B4GALT5: variants seen among roughly 807,000 people sequenced by gnomAD.
B4GALT5 encodes beta-1,4-galactosyltransferase 5.
B4GALT5 carries 11 observed loss-of-function variants against 45.0 expected under a neutral mutation model. The ratio of observed to expected loss-of-function variants is 0.24; its 90% CI spans 0.15 to 0.40. B4GALT5 has a LOEUF of 0.40. Ranked by LOEUF, B4GALT5 falls within the 10% of genes least tolerant of loss-of-function variation. The pLI is 1.00. For missense variants in B4GALT5, 337 were observed against 500.2 expected (o/e 0.67, Z 3.11); for synonymous variants, 185 against 182.9 (o/e 1.01, Z -0.09).
chr20:49,640,626 C>A lies in B4GALT5; in HGVS notation c.646G>T (p.Val216Phe). 1 of 1,613,132 alleles carries A rather than the reference C, an allele frequency of 6.2e-7. No homozygotes were observed. The highest frequency in any genetic ancestry group is 8.5e-7 in the Non-Finnish European group (1 of 1,179,680). The change falls in exon 6 of 9, where the codon GTT becomes TTT. Residue 216 changes from valine (V) to phenylalanine (F), a missense_variant. Coordinates refer to ENST00000371711, the MANE Select transcript of B4GALT5 (RefSeq NM_004776.4). Reference sequence around the variant, plus strand: ...TCTTTCATTGCCTCTTGAAAGCCAACGTTGAAAAGCATGGCTCGATTAAAG... The same window carrying A: ...TCTTTCATTGCCTCTTGAAAGCCAAAGTTGAAAAGCATGGCTCGATTAAAG... ...QPFNRAMLFNVGFQEAMKDLD... is the reference protein window; with the variant it reads ...QPFNRAMLFNFGFQEAMKDLD...
intron 1 of B4GALT5, among the ~76,000 whole-genome samples, chr20:49,657,343 A>G (rs1385288016): frequency 1.3e-5 from 2 of 152,186 alleles, no homozygotes; most frequent in Non-Finnish European, 2.9e-5. Context: ...AGGTCAATTA[A>G]AACATGCTCT....
chr20:49,664,436 A>T (rs888444014), intron 1 of B4GALT5, among the ~76,000 whole-genome samples: 1 of 138,378 alleles, frequency 7.2e-6, no homozygotes, highest in Non-Finnish European at 1.6e-5. Context: ...ACACACACAC[A>T]CACACACACA....
chr20:49,713,283 G>A (rs1193412688), intron 1 of B4GALT5, among the ~76,000 whole-genome samples: 1 of 151,940 alleles, frequency 6.6e-6, no homozygotes, highest in Non-Finnish European at 1.5e-5. Flanking sequence ...AGAGCGGGAA[G>A]GGGGTTCCGG....
At chr20:49,645,259 G>C (rs1463262692) in intron 3 of B4GALT5, among the ~76,000 whole-genome samples, 1 of 151,976 alleles carries the variant, frequency 6.6e-6, no homozygotes, top group Admixed American at 6.6e-5. Flanking sequence ...AGACAAAGCT[G>C]ACTGCCTATA....
Position 49,640,595 on chromosome 20 carries a change from T to C in B4GALT5, c.677A>G (p.Asp226Gly). 6.2e-7 allele frequency: 1 copy of C among 1,614,042 alleles called. No individual in the cohort carries two copies. Among genetic ancestry groups the C allele is most frequent in the South Asian group, 1.1e-5 (1 of 91,036 alleles). ...VGFQEAMKDL[D>G]WDCLIFHDVD... ...ATCATGAAAAATCAAACAGTCCCAA[T>C]CCAAGTCTTTCATTGCCTCTTGAAA... is the stretch of plus-strand genomic sequence containing the variant. The change falls in exon 6 of 9, where the codon GAT becomes GGT. Residue 226 changes from aspartate (D) to glycine (G), a missense_variant. By Grantham distance (94) the Asp-to-Gly change is moderately conservative. Around this residue, in one of 2 missense-constraint regions of B4GALT5, gnomAD observed 163 missense variants for 292.8 expected, o/e 0.56. Coordinates refer to ENST00000371711, the MANE Select transcript of B4GALT5 (RefSeq NM_004776.4).
At chr20:49,657,752 C>T (rs957506287) in intron 1 of B4GALT5, among the ~76,000 whole-genome samples, 1 of 152,212 alleles carries the variant, frequency 6.6e-6, no homozygotes, top group African/African-American at 2.4e-5. Context: ...TGGATTCCGG[C>T]TCTTTGACAA....
At chr20:49,655,545 A>G (rs1042946549) in intron 2 of B4GALT5, among the ~76,000 whole-genome samples, 1 of 152,204 alleles carries the variant, frequency 6.6e-6, no homozygotes, top group Admixed American at 6.5e-5. Context: ...AATAAAAACC[A>G]TCCCTGGCTG....
At position 49,678,315 on chromosome 20, in the gene B4GALT5, C is replaced by A. The variant is rs2085748612; in HGVS notation, c.116-21613G>T. Among the ~76,000 whole-genome samples the A allele has an allele frequency of 2.0e-5, 3 of 152,178 alleles. No homozygotes were observed. The South Asian group carries it at 6.2e-4, about 31-fold the overall frequency. On this transcript the variant is annotated intron_variant, in intron 1 of 8. Coordinates refer to ENST00000371711, the MANE Select transcript of B4GALT5 (RefSeq NM_004776.4). ...GGCAATCAAAATAGAAAAGCAAAAC[C>A]AACCCTGGAACTCACAAAGGACTGG...
chr20:49,700,836 G>T (rs1026495860), intron 1 of B4GALT5, among the ~76,000 whole-genome samples: 65 of 152,282 alleles, frequency 4.3e-4, no homozygotes, highest in African/African-American at 1.5e-3. Context: ...TTTAAAATTT[G>T]TGAAATGTTT....
chr20:49,681,559 C>A (rs913527893), intron 1 of B4GALT5, among the ~76,000 whole-genome samples: 6 of 152,152 alleles, frequency 3.9e-5, no homozygotes, highest in African/African-American at 7.2e-5. Context: ...GCACTGAGCA[C>A]CAGGATTGTA....
intron 1 of B4GALT5, among the ~76,000 whole-genome samples, chr20:49,712,636 C>G (rs2085919074): frequency 6.6e-6 from 1 of 152,132 alleles, no homozygotes; most frequent in Non-Finnish European, 1.5e-5. Flanking sequence ...ATTTAAACTT[C>G]TCCTTTGTCC....
intron 1 of B4GALT5, among the ~76,000 whole-genome samples, chr20:49,707,882 G>A (rs970461571): frequency 5.3e-5 from 8 of 151,502 alleles, no homozygotes; most frequent in African/African-American, 1.9e-4. Flanking sequence ...CCAGAGTGCC[G>A]GGATTAAAGG....
rs769443138 is a variant in B4GALT5 at position 49,647,031 on chromosome 20, T to C, written c.298A>G (p.Thr100Ala). The C allele has an allele frequency of 1.2e-6, 2 of 1,613,982 alleles. No homozygotes were observed. Among genetic ancestry groups the C allele is most frequent in the Admixed American group, 1.7e-5 (1 of 60,010 alleles). ...TAGGTGAAGTCTTCAGGAAGAAATG[T>C]TGTAGTTTGCAGGAAGGTTTCACTG... ...NHSETFLQTT[T>A]FLPEDFTYFA... Residue 100 changes from threonine (T) to alanine (A), a missense_variant, in exon 3 of 9, where the codon ACA becomes GCA. Transcript: ENST00000371711.
At chr20:49,712,837 T>TGGG (rs765196296) in intron 1 of B4GALT5, among the ~76,000 whole-genome samples, 176 of 42,676 alleles carry the variant, frequency 4.1e-3, no homozygotes, top group Middle Eastern at 0.017. Context: ...GTACGCGAGG[T>TGGG]GGGGGGGGGG....
intron 2 of B4GALT5, among the ~76,000 whole-genome samples, chr20:49,656,212 G>A (rs2085642365): frequency 6.6e-6 from 1 of 152,044 alleles, no homozygotes; most frequent in African/African-American, 2.4e-5. Context: ...CATACACACA[G>A]GCTTCCCCTT....
intron 1 of B4GALT5, among the ~76,000 whole-genome samples, chr20:49,687,833 A>C (rs914578056): frequency 6.6e-6 from 1 of 152,088 alleles, no homozygotes; most frequent in Non-Finnish European, 1.5e-5. Flanking sequence ...AGCCTGTGGC[A>C]GACCAGAGAT....
intron 2 of B4GALT5, among the ~76,000 whole-genome samples, chr20:49,652,278 T>C (rs908919827): frequency 6.6e-6 from 1 of 151,318 alleles, no homozygotes; most frequent in Non-Finnish European, 1.5e-5. Flanking sequence ...CCAAATCCAG[T>C]TGAGAAGGAA....
chr20:49,678,449 T>A (rs1358358370), intron 1 of B4GALT5, among the ~76,000 whole-genome samples: 1 of 152,240 alleles, frequency 6.6e-6, no homozygotes, highest in Non-Finnish European at 1.5e-5. Flanking sequence ...AGAATGAAGA[T>A]GTCTTGCTAT....
rs2085581040 is a variant in B4GALT5, at chr20:49,642,464, T to C, written c.606+4A>G. The C allele has an allele frequency of 1.3e-6, 2 of 1,598,270 alleles. No individual in the cohort carries two copies. The highest frequency in any genetic ancestry group is 1.7e-6 in the Non-Finnish European group (2 of 1,167,034). On this transcript the variant is annotated splice_donor_region_variant and intron_variant, in intron 5 of 8. Coordinates refer to ENST00000371711, the MANE Select transcript of B4GALT5 (RefSeq NM_004776.4). ...AAAAGAAAGGAAAAGAAAGGACTAC[T>C]CACTTGTTCAACCACATAAAATGCA...
Sources: gnomAD v4.1 joint callset for allele counts (sites outside exome capture counted in the v4.1 genomes callset) on GRCh38, gnomAD v4.1.1 for gene constraint, gnomAD v4.1.1 regional missense constraint, MANE v1.5 for transcripts, NCBI Gene and HGNC (gene_info 2026-07-23, HGNC 2026-07-21) for gene names.